Variants in MLLT10 observed in about 807,000 individuals in gnomAD.
MLLT10 encodes the protein protein AF-10.
A neutral mutation model predicts 129.1 loss-of-function variants in MLLT10; 30 were observed. That is an observed-to-expected ratio of 0.23 (90% confidence interval 0.17 to 0.32). MLLT10 has a LOEUF of 0.32. Ranked by LOEUF, MLLT10 falls within the 10% of genes least tolerant of loss-of-function variation. The probability of loss-of-function intolerance (pLI) is 1.00; values close to 1 mark genes in which losing one functional copy is unlikely to be tolerated. For missense variants in MLLT10, 1,119 were observed against 1,268.3 expected (o/e 0.88, Z 1.79); for synonymous variants, 490 against 446.4 (o/e 1.10, Z -1.23).
At chr10:21,687,081 T>C (rs1351476824) in intron 13 of MLLT10, among the ~76,000 whole-genome samples, 1 of 152,196 alleles carries the variant, frequency 6.6e-6, no homozygotes, top group Non-Finnish European at 1.5e-5. Context: ...TATTGCACTT[T>C]TAAATTCCCT....
intron 8 of MLLT10, among the ~76,000 whole-genome samples, chr10:21,622,576 T>C (rs2045993594): frequency 1.3e-5 from 2 of 152,342 alleles, no homozygotes; most frequent in African/African-American, 4.8e-5. Context: ...ATTCAGTCAC[T>C]AAGAGTTCAA....
At chr10:21,648,833 G>A (rs926221637) in intron 8 of MLLT10, among the ~76,000 whole-genome samples, 2 of 152,194 alleles carry the variant, frequency 1.3e-5, no homozygotes, top group African/African-American at 2.4e-5. Flanking sequence ...CAAGTCTTAC[G>A]TGGCGGCAGG....
intron 9 of MLLT10, chr10:21,669,135 C>T (rs932007075): frequency 5.6e-5 from 67 of 1,202,714 alleles, no homozygotes; most frequent in Admixed American, 1.3e-4. Context: ...TACTTTGAAA[C>T]GTTTGTTCTT....
chr10:21,597,335 C>T (rs1340326729), intron 5 of MLLT10, among the ~76,000 whole-genome samples: 1 of 152,156 alleles, frequency 6.6e-6, no homozygotes, highest in African/African-American at 2.4e-5. Context: ...GCAAAAGAAT[C>T]ACAAACTGCA....
intron 3 of MLLT10, among the ~76,000 whole-genome samples, chr10:21,543,687 C>G (rs550996045): frequency 6.6e-6 from 1 of 152,182 alleles, no homozygotes; most frequent in East Asian, 1.9e-4. Context: ...TCATGTTGGT[C>G]AGACTGATCT....
At chr10:21,731,325 T>C (rs936150051) in intron 17 of MLLT10, among the ~76,000 whole-genome samples, 7 of 152,172 alleles carry the variant, frequency 4.6e-5, no homozygotes, top group African/African-American at 1.4e-4. Flanking sequence ...ATTTTTACAA[T>C]TGGGAGTAAT....
chr10:21,674,531 CAAGT>C (rs1291397509), intron 11 of MLLT10, among the ~76,000 whole-genome samples: 1 of 152,056 alleles, frequency 6.6e-6, no homozygotes, highest in Non-Finnish European at 1.5e-5. Flanking sequence ...TATTATAAGA[CAAGT>C]GAGTTGATAT....
chr10:21,692,201 A>G lies in MLLT10; in HGVS notation c.1699+9944A>G, dbSNP rs149760254. 2.1e-4 allele frequency among the ~76,000 whole-genome samples: 32 copies of G among 151,934 alleles called. No individual in the cohort carries two copies. The East Asian group carries it at 4.8e-3, about 23-fold the overall frequency. On this transcript the variant is annotated intron_variant, in intron 13 of 22. Transcript: ENST00000307729. ...AAAATAAAAAATAAAAGGACTTAATAATAGAAGTGACTTCCATTCTAAGGA... is the reference window on the plus strand; with the variant it reads ...AAAATAAAAAATAAAAGGACTTAATGATAGAAGTGACTTCCATTCTAAGGA...
intron 13 of MLLT10, among the ~76,000 whole-genome samples, chr10:21,692,271 A>G (rs531082553): frequency 5.9e-5 from 9 of 152,086 alleles, no homozygotes; most frequent in Non-Finnish European, 1.2e-4. Context: ...GATATTTATC[A>G]TAGCAAAAAG....
chr10:21,607,304 T>C (rs1564497399), intron 5 of MLLT10, among the ~76,000 whole-genome samples: 1 of 151,912 alleles, frequency 6.6e-6, no homozygotes, highest in Non-Finnish European at 1.5e-5. Context: ...ACTTATTGTT[T>C]TATGTACTCT....
chr10:21,692,040 G>T (rs1288856978), intron 13 of MLLT10, among the ~76,000 whole-genome samples: 3 of 151,038 alleles, frequency 2.0e-5, no homozygotes, highest in African/African-American at 7.3e-5. Context: ...AGGTGGGGTG[G>T]TGGCACGTCT....
At chr10:21,594,374 G>T (rs1589137363) in intron 4 of MLLT10, among the ~76,000 whole-genome samples, 1 of 151,660 alleles carries the variant, frequency 6.6e-6, no homozygotes, top group Non-Finnish European at 1.5e-5. Context: ...ACATGGAGAA[G>T]CCCCACCCCT....
intron 11 of MLLT10, among the ~76,000 whole-genome samples, chr10:21,678,907 A>G (rs1367589473): frequency 2.0e-5 from 3 of 152,156 alleles, no homozygotes; most frequent in Admixed American, 6.5e-5. Flanking sequence ...CTCCTTTACA[A>G]CTAGGATGTA....
chr10:21,644,559 T>C (rs1357523367), intron 8 of MLLT10, among the ~76,000 whole-genome samples: 1 of 152,150 alleles, frequency 6.6e-6, no homozygotes, highest in African/African-American at 2.4e-5. Flanking sequence ...ATTAAATGTC[T>C]TGCACCAGGT....
intron 3 of MLLT10, chr10:21,557,952 T>TC (rs1564406848): frequency 7.0e-6 from 1 of 142,334 alleles, no homozygotes; most frequent in African/African-American, 2.6e-5. Flanking sequence ...TTTTTTCTTT[T>TC]TTTTTTTTTT....
At chr10:21,580,642 G>A (rs1255448767) in intron 3 of MLLT10, among the ~76,000 whole-genome samples, 1 of 151,854 alleles carries the variant, frequency 6.6e-6, no homozygotes, top group East Asian at 1.9e-4. Flanking sequence ...TGCCTGCCTC[G>A]GCCTCCCAAG....
rs1376483123 is a variant in MLLT10 at position 21,586,749 on chromosome 10, TG to T, written c.295+403del. ...TAAAAATAGAAAAATTAGCCAGGTG[TG>T]GTGGTGCCTGCCTGTAGTCCCAGCT... On this transcript the variant is annotated intron_variant, in intron 4 of 22. Transcript: ENST00000307729. Among the ~76,000 whole-genome samples the T allele has an allele frequency of 6.6e-5, 10 of 152,054 alleles. No individual in the cohort carries two copies. In the East Asian group the frequency reaches 1.7e-3, roughly 27 times the overall value.
At chr10:21,581,697 A>G (rs1241158674) in intron 3 of MLLT10, among the ~76,000 whole-genome samples, 1 of 152,078 alleles carries the variant, frequency 6.6e-6, no homozygotes, top group Non-Finnish European at 1.5e-5. Flanking sequence ...GTTTTTTCCT[A>G]TGTACACATT....
intron 4 of MLLT10, among the ~76,000 whole-genome samples, chr10:21,591,619 C>T (rs368492947): frequency 6.6e-6 from 1 of 152,012 alleles, no homozygotes; most frequent in East Asian, 1.9e-4. Context: ...GGCCATATCT[C>T]TTCCTATATA....
Sources: gnomAD v4.1 joint callset for allele counts (sites outside exome capture counted in the v4.1 genomes callset) on GRCh38, gnomAD v4.1.1 for gene constraint, MANE v1.5 for transcripts, NCBI Gene and HGNC (gene_info 2026-07-23, HGNC 2026-07-21) for gene names.